The following SORCS2 variants were observed in gnomAD, a reference collection of about 807,000 sequenced individuals.
SORCS2 encodes sortilin related VPS10 domain containing receptor 2.
In SORCS2, 100 loss-of-function variants were observed where a neutral mutation model predicts 141.6. The ratio of observed to expected loss-of-function variants is 0.71; its 90% CI spans 0.60 to 0.83. The LOEUF is 0.83. Ranked by LOEUF, SORCS2 falls within the 40% of genes least tolerant of loss-of-function variation. The pLI is 0.00. For missense variants in SORCS2, 1,646 were observed against 1,560.2 expected (o/e 1.05, Z -0.93); for synonymous variants, 789 against 676.9 (o/e 1.17, Z -2.57).
At chr4:7,671,643 A>G (rs1722804196) in intron 8 of SORCS2, among the ~76,000 whole-genome samples, 3 of 152,202 alleles carry the variant, frequency 2.0e-5, no homozygotes, top group Admixed American at 1.3e-4. Flanking sequence ...AGATAAGACA[A>G]TTAAAACAAT....
In SORCS2 at chr4:7,664,514, C is replaced by T. The variant is rs28634313; in HGVS notation, c.1071+43C>T. On this transcript the variant is annotated intron_variant, in intron 7 of 26. Coordinates refer to ENST00000507866, the MANE Select transcript of SORCS2 (RefSeq NM_020777.3). This position sits in a 1 kb window ranked among gnomAD's most constrained non-coding sequence, Gnocchi z 4.7. Reference sequence around the variant, plus strand: ...GCTTTTGGAAATTGGCAACAGGTGACGTGGCGGATGACCCGTTCGCGGCAA... The same window carrying T: ...GCTTTTGGAAATTGGCAACAGGTGATGTGGCGGATGACCCGTTCGCGGCAA... 0.15 allele frequency: 220,695 copies of T among 1,445,518 alleles called. 17,678 individuals carry two copies. The highest frequency in any genetic ancestry group is 0.2 in the South Asian group (16,259 of 80,012). 89.5% of individuals were successfully genotyped at this position (1,445,518 alleles called of 1,614,324 possible).
chr4:7,723,786 C>A lies in SORCS2; in HGVS notation c.2514C>A (p.Ile838=). 1.2e-6 allele frequency: 2 copies of A among 1,613,926 alleles called. No homozygotes were observed. The highest frequency in any genetic ancestry group is 2.2e-5 in the South Asian group (2 of 91,084). ...YVNLTLTGEP[I]RHRYESPGIY... is the part of the protein sequence containing the mutation. ...ACCTTACACTGACCGGGGAGCCCAT[C>A]CGGCACCGCTACGAGAGCCCCGGCA... Residue 838 remains isoleucine, a synonymous_variant, in exon 19 of 27, where the codon ATC becomes ATA. Coordinates refer to ENST00000507866, the MANE Select transcript of SORCS2 (RefSeq NM_020777.3).
chr4:7,499,859 C>A (rs769829875), intron 2 of SORCS2, among the ~76,000 whole-genome samples: 16 of 152,148 alleles, frequency 1.1e-4, no homozygotes, highest in Non-Finnish European at 2.2e-4. Context: ...TGGGTGGACC[C>A]CCTCCCAGGC....
At chr4:7,247,629 G>T (rs1230139350) in intron 1 of SORCS2, among the ~76,000 whole-genome samples, 1 of 152,218 alleles carries the variant, frequency 6.6e-6, no homozygotes, top group Non-Finnish European at 1.5e-5. Context: ...AGGGACGGGA[G>T]GGGCAGCGCT....
At chr4:7,281,078 A>T (rs1715842359) in intron 1 of SORCS2, among the ~76,000 whole-genome samples, 1 of 152,130 alleles carries the variant, frequency 6.6e-6, no homozygotes, top group South Asian at 2.1e-4. Flanking sequence ...CGGTATCTCT[A>T]CATTTTTGAA....
rs143420435 is a variant in SORCS2 at position 7,350,341 on chromosome 4, C to A, written c.481-45947C>A. 8.7e-3 allele frequency among the ~76,000 whole-genome samples: 1,322 copies of A among 152,372 alleles called. 19 individuals carry two copies. Among genetic ancestry groups the A allele is most frequent in the African/African-American group, 0.03 (1,247 of 41,584 alleles). ...AGTTCAGTTCAGTCAGGCCACCTCC[C>A]GTTATGAACCATGTTAAATCATCAG... On this transcript the variant is annotated intron_variant, in intron 1 of 26. Coordinates refer to ENST00000507866, the MANE Select transcript of SORCS2 (RefSeq NM_020777.3).
chr4:7,215,868 A>T (rs532585119), intron 1 of SORCS2, among the ~76,000 whole-genome samples: 1 of 152,092 alleles, frequency 6.6e-6, no homozygotes, highest in Non-Finnish European at 1.5e-5. Flanking sequence ...ACCAATCAGC[A>T]CCCTGTCAAA....
At chr4:7,525,884 T>TCCTCAGTCACCTGTCC (rs1368559753) in intron 2 of SORCS2, among the ~76,000 whole-genome samples, 2,122 of 114,578 alleles carry the variant, frequency 0.019, 169 homozygotes, top group African/African-American at 0.075. Flanking sequence ...ACCTGTCCCC[T>TCCTCAGTCACCTGTCC]CCTCAGTCAC....
intron 1 of SORCS2, among the ~76,000 whole-genome samples, chr4:7,373,478 A>ATATATATATATATATATAAATATTTTTTT (rs1470691140): frequency 2.7e-5 from 1 of 36,824 alleles, no homozygotes; most frequent in African/African-American, 1.6e-4. Flanking sequence ...ATATATATAT[A>ATATATATATATATATATAAATATTTTTTT]TTTTTTTTTT....
Position 7,549,801 on chromosome 4 carries a change from T to C in SORCS2, c.648+18172T>C, listed in dbSNP as rs1713544964. On this transcript the variant is annotated intron_variant, in intron 3 of 26. Coordinates refer to ENST00000507866, the MANE Select transcript of SORCS2 (RefSeq NM_020777.3). Reference sequence around the variant, plus strand: ...ACCCCTTGGGGACCAGCACCGTATCTTATCCCTCTTTGCCCCCAGGACACA... The same window carrying C: ...ACCCCTTGGGGACCAGCACCGTATCCTATCCCTCTTTGCCCCCAGGACACA... Among the ~76,000 whole-genome samples, 3 of 152,278 alleles carry C rather than the reference T, an allele frequency of 2.0e-5. No individual in the cohort carries two copies. In the South Asian group the frequency reaches 6.2e-4, roughly 32 times the overall value.
chr4:7,550,224 A>T (rs1713590380), intron 3 of SORCS2, among the ~76,000 whole-genome samples: 4 of 151,332 alleles, frequency 2.6e-5, no homozygotes, highest in Admixed American at 2.0e-4. Context: ...CTGCCTGTGA[A>T]CCGCCCTGAG....
chr4:7,205,861 T>G (rs978571975), intron 1 of SORCS2, among the ~76,000 whole-genome samples: 3 of 152,054 alleles, frequency 2.0e-5, no homozygotes, highest in African/African-American at 7.2e-5. Context: ...CTGGGCAACA[T>G]GGTGAAACCC....
At position 7,591,758 on chromosome 4, in the gene SORCS2, A is replaced by G. The variant is rs574126579; in HGVS notation, c.649-46570A>G. On this transcript the variant is annotated intron_variant, in intron 3 of 26. Transcript: ENST00000507866. Reference sequence around the variant, plus strand: ...CTTTCTAAAGCGCCCCACGGCAGTGATGAATCCCGGCAGAGGCCTCTGACC... The same window carrying G: ...CTTTCTAAAGCGCCCCACGGCAGTGGTGAATCCCGGCAGAGGCCTCTGACC... 6.6e-5 allele frequency among the ~76,000 whole-genome samples: 10 copies of G among 152,286 alleles called. No individual in the cohort carries two copies. The South Asian group carries it at 2.1e-3, about 32-fold the overall frequency.
At chr4:7,628,317 T>C (rs929212720) in intron 3 of SORCS2, among the ~76,000 whole-genome samples, 7 of 151,984 alleles carry the variant, frequency 4.6e-5, no homozygotes, top group African/African-American at 1.5e-4. Context: ...GGTCAGGAGA[T>C]CCAGACCATC....
intron 2 of SORCS2, among the ~76,000 whole-genome samples, chr4:7,501,194 C>T (rs564158670): frequency 8.5e-5 from 13 of 152,332 alleles, no homozygotes; most frequent in Admixed American, 5.2e-4. Context: ...CTGCAGTGTC[C>T]GCCCCACAGC....
At chr4:7,223,894 AG>A in intron 1 of SORCS2, among the ~76,000 whole-genome samples, 1 of 13,430 alleles carries the variant, frequency 7.4e-5, no homozygotes, top group East Asian at 2.6e-3. Context: ...GTTAAGGCCC[AG>A]AGTCAGTCCT....
In SORCS2 at chr4:7,673,990, TTGGCCCA is replaced by T. The variant is rs376829138; in HGVS notation, c.1162-2055_1162-2049del. ...CAACGCCCGGATGACAGAGTGCATT[TTGGCCCA>T]TGGCGCTGAGCAGGGAGGAAGGGGG... On this transcript the variant is annotated intron_variant, in intron 8 of 26. Transcript: ENST00000507866. 6.9e-3 allele frequency among the ~76,000 whole-genome samples: 1,056 copies of T among 152,318 alleles called. 3 individuals are homozygous for T. Among genetic ancestry groups the T allele is most frequent in the Non-Finnish European group, 0.011 (777 of 68,024 alleles).
At chr4:7,502,586 G>T (rs1473421618) in intron 2 of SORCS2, among the ~76,000 whole-genome samples, 1 of 152,196 alleles carries the variant, frequency 6.6e-6, no homozygotes, top group Non-Finnish European at 1.5e-5. Flanking sequence ...TGATGTCCTG[G>T]CTCCCTTGAT....
rs1327048941 is a variant in SORCS2, at chr4:7,543,750, A to G, written c.648+12121A>G. On this transcript the variant is annotated intron_variant, in intron 3 of 26. Coordinates refer to ENST00000507866, the MANE Select transcript of SORCS2 (RefSeq NM_020777.3). Reference sequence around the variant, plus strand: ...CACCCATCCACCCATCCACCCATCCACCCATCCACCCACCCATCCGTCCAT... The same window carrying G: ...CACCCATCCACCCATCCACCCATCCGCCCATCCACCCACCCATCCGTCCAT... Among the ~76,000 whole-genome samples the G allele has an allele frequency of 6.8e-4, 51 of 74,594 alleles. 1 individual carries two copies. Among genetic ancestry groups the G allele is most frequent in the Admixed American group, 1.2e-3 (10 of 8,052 alleles). The allele number at this position is 74,594 out of a possible 152,430, so 48.9% of individuals were successfully genotyped here. A position where few individuals can be genotyped will look rare whatever the true frequency, so the allele number is the denominator to read the frequency against.
Sources: allele counts gnomAD v4.1 joint callset (sites outside exome capture counted in the v4.1 genomes callset), GRCh38; gene constraint gnomAD v4.1.1; non-coding constraint Gnocchi (gnomAD v3.1); transcripts MANE v1.5; gene names NCBI Gene and HGNC (gene_info 2026-07-23, HGNC 2026-07-21).